ISM1: variants seen among roughly 807,000 people sequenced by gnomAD.
The protein encoded by ISM1 is isthmin 1.
Under a neutral mutation model 46.3 loss-of-function variants are expected in ISM1, and 25 were observed. The ratio of observed to expected loss-of-function variants is 0.54; its 90% CI spans 0.39 to 0.75. The LOEUF (loss-of-function observed/expected upper bound fraction) is 0.75, where lower values mean the gene tolerates loss of function less well. Ranked by LOEUF, ISM1 falls within the 30% of genes least tolerant of loss-of-function variation. The pLI is 0.00. For missense variants in ISM1, 536 were observed against 625.4 expected (o/e 0.86, Z 1.52); for synonymous variants, 255 against 256.7 (o/e 0.99, Z 0.06).
At chr20:13,247,417 T>G (rs1278626266) in intron 1 of ISM1, among the ~76,000 whole-genome samples, 2 of 152,192 alleles carry the variant, frequency 1.3e-5, no homozygotes, top group East Asian at 3.9e-4. Flanking sequence ...AAGTTATCAG[T>G]GGCTTGCAGC....
At chr20:13,226,403 C>T (rs986152159) in intron 1 of ISM1, among the ~76,000 whole-genome samples, 1 of 151,960 alleles carries the variant, frequency 6.6e-6, no homozygotes, top group Non-Finnish European at 1.5e-5. Context: ...AGGCTGATTA[C>T]TTTTACTGGA....
the ISM1 span, among the ~76,000 whole-genome samples, chr20:13,314,132 T>TGTTTCA: frequency 6.6e-6 from 1 of 151,978 alleles, no homozygotes; most frequent in Non-Finnish European, 1.5e-5. Context: ...CAGTCAAGAC[T>TGTTTCA]TAGAGACAAC....
intron 1 of ISM1, among the ~76,000 whole-genome samples, chr20:13,263,344 C>A (rs1186922759): frequency 6.6e-6 from 1 of 152,044 alleles, no homozygotes; most frequent in Non-Finnish European, 1.5e-5. Flanking sequence ...CCCCCACCAC[C>A]CCCTGCTTCC....
intron 3 of ISM1, among the ~76,000 whole-genome samples, chr20:13,284,133 C>T (rs527414347): frequency 6.6e-6 from 1 of 152,350 alleles, no homozygotes; most frequent in East Asian, 1.9e-4. Flanking sequence ...GGAGTTAAAT[C>T]AGTAGATCGA....
chr20:13,234,407 A>T (rs1216987369), intron 1 of ISM1, among the ~76,000 whole-genome samples: 2 of 152,206 alleles, frequency 1.3e-5, no homozygotes, highest in African/African-American at 2.4e-5. Context: ...GTGCTGTGAT[A>T]TAAACAGATG....
At chr20:13,272,604 C>G (rs2040128592) in intron 2 of ISM1, among the ~76,000 whole-genome samples, 1 of 152,200 alleles carries the variant, frequency 6.6e-6, no homozygotes, top group Non-Finnish European at 1.5e-5. Context: ...CACTCTTTGA[C>G]AACCCATGCA....
chr20:13,234,572 C>T (rs2039626406), intron 1 of ISM1, among the ~76,000 whole-genome samples: 1 of 152,216 alleles, frequency 6.6e-6, no homozygotes, highest in Non-Finnish European at 1.5e-5. Flanking sequence ...TTCCCACCAA[C>T]AGTGTATAAG....
At chr20:13,244,770 CA>C (rs2039774501) in intron 1 of ISM1, among the ~76,000 whole-genome samples, 1 of 152,146 alleles carries the variant, frequency 6.6e-6, no homozygotes, top group Non-Finnish European at 1.5e-5. Flanking sequence ...ATGCACAAGT[CA>C]AAAGTGAGTA....
At chr20:13,291,805 A>G (rs892284547) in intron 4 of ISM1, among the ~76,000 whole-genome samples, 1 of 152,188 alleles carries the variant, frequency 6.6e-6, no homozygotes, top group Non-Finnish European at 1.5e-5. Flanking sequence ...AGCTAGACAA[A>G]TATTCAAGGG....
chr20:13,233,719 TCAC>T (rs1157001516), intron 1 of ISM1, among the ~76,000 whole-genome samples: 1 of 152,098 alleles, frequency 6.6e-6, no homozygotes, highest in African/African-American at 2.4e-5. Context: ...TGTTAGTGAC[TCAC>T]ATAGGATTCT....
chr20:13,264,018 C>T (rs6033650), intron 1 of ISM1, among the ~76,000 whole-genome samples: 1 of 152,166 alleles, frequency 6.6e-6, no homozygotes, highest in African/African-American at 2.4e-5. Context: ...GTAATGAGGC[C>T]TGTAGCCTGA....
chr20:13,270,583 A>T lies in ISM1; in HGVS notation c.218A>T (p.Asp73Val), dbSNP rs1310534297. The T allele has an allele frequency of 5.6e-6, 9 of 1,613,850 alleles. No homozygotes were observed. Among genetic ancestry groups the T allele is most frequent in the Non-Finnish European group, 6.8e-6 (8 of 1,179,886 alleles). The change falls in exon 2 of 6, where the codon GAC becomes GTC. Residue 73 changes from aspartate (D) to valine (V), a missense_variant. By Grantham distance (152) the Asp-to-Val change is radical. Transcript: ENST00000262487. ...LSKEAPREHL[D>V]HQAAHQPFPR... ...AAAGAAGCACCAAGGGAGCATCTGG[A>T]CCACCAGGCTGCACACCAACCCTTC...
At chr20:13,247,007 G>A (rs1043152152) in intron 1 of ISM1, among the ~76,000 whole-genome samples, 1 of 151,990 alleles carries the variant, frequency 6.6e-6, no homozygotes, top group Non-Finnish European at 1.5e-5. Context: ...AGGCTGAGGC[G>A]GGTGGATCAC....
chr20:13,317,515 C>T, the ISM1 span, among the ~76,000 whole-genome samples: 10 of 151,934 alleles, frequency 6.6e-5, no homozygotes, highest in Admixed American at 2.6e-4. Context: ...CAAAGGTAAA[C>T]GACTCATACT....
At chr20:13,239,289 T>C (rs2039689627) in intron 1 of ISM1, among the ~76,000 whole-genome samples, 1 of 152,200 alleles carries the variant, frequency 6.6e-6, no homozygotes, top group East Asian at 1.9e-4. Flanking sequence ...TCTGGTGTGG[T>C]TCTCTCATGC....
chr20:13,270,875 G>C, intron 2 of ISM1, 132 bp downstream of exon 2: 2 of 818,838 alleles, frequency 2.4e-6, no homozygotes, highest in Non-Finnish European at 3.9e-6. Context: ...TTAAGATCAT[G>C]TTATCTCCAT....
intron 1 of ISM1, among the ~76,000 whole-genome samples, chr20:13,268,347 CCTCTCTCTCTCTCTCTCTCT>C (rs3041816): frequency 0.061 from 4,034 of 66,644 alleles, 174 homozygotes; most frequent in South Asian, 0.16. Context: ...CCTTCTTCTT[CCTCTCTCTCTCTCTCTCTCT>C]CTCTCTCTCT....
chr20:13,242,860 T>C (rs1289146952), intron 1 of ISM1, among the ~76,000 whole-genome samples: 1 of 152,224 alleles, frequency 6.6e-6, no homozygotes, highest in African/African-American at 2.4e-5. Flanking sequence ...CACCTGATTT[T>C]ATCTACTTGT....
At chr20:13,250,780 A>T (rs1342623508) in intron 1 of ISM1, among the ~76,000 whole-genome samples, 3 of 152,186 alleles carry the variant, frequency 2.0e-5, no homozygotes, top group African/African-American at 7.2e-5. Context: ...GAGTAAATGG[A>T]TACATGCCCT....
Sources: gnomAD v4.1 joint callset for allele counts (sites outside exome capture counted in the v4.1 genomes callset) on GRCh38, gnomAD v4.1.1 for gene constraint, MANE v1.5 for transcripts, NCBI Gene and HGNC (gene_info 2026-07-23, HGNC 2026-07-21) for gene names.